ZNF469: variants seen among roughly 807,000 people sequenced by gnomAD.
The protein encoded by ZNF469 is zinc finger protein 469.
In ZNF469, 1 loss-of-function variant was observed where a neutral mutation model predicts 1.0. The observed-to-expected ratio is 1.00, with a 90% CI of 0.35 to 4.73. The LOEUF is 4.73. Among genes scored for constraint, ZNF469 ranks in the 30% most tolerant of loss-of-function variants. The pLI, the probability that ZNF469 is intolerant of heterozygous loss-of-function variation, is 0.16. For synonymous variants in ZNF469, 2,703 were observed against 2,363.4 expected (o/e 1.14, Z -4.17); for missense variants, 6,100 against 5,356.3 (o/e 1.14, Z -4.33).
chr16:88,381,237 C>G (rs1182726549), upstream of ZNF469, among the ~76,000 whole-genome samples: 1 of 150,470 alleles, frequency 6.6e-6, no homozygotes, highest in Non-Finnish European at 1.5e-5. Context: ...CACACACGCA[C>G]TCACAGACAT....
rs1000997917 is a variant in ZNF469, at chr16:88,427,360, A to G, written c.-111A>G. Reference sequence around the variant, plus strand: ...TTCCTTCCAGGCTCCACTCAGGACCATGAGCGCAGGCTTCCCTGGGGCCCA... The same window carrying G: ...TTCCTTCCAGGCTCCACTCAGGACCGTGAGCGCAGGCTTCCCTGGGGCCCA... On this transcript the variant is annotated 5_prime_UTR_variant, in exon 3 of 3. It removes an upstream start codon present in the reference 5' UTR. Transcript: ENST00000565624. 1.7e-6 allele frequency: 2 copies of G among 1,169,116 alleles called. No individual in the cohort carries two copies. Among genetic ancestry groups the G allele is most frequent in the Non-Finnish European group, 2.3e-6 (2 of 862,914 alleles). The allele number at this position is 1,169,116 out of a possible 1,614,324, so 72.4% of individuals were successfully genotyped here. A position where few individuals can be genotyped will look rare whatever the true frequency, so the allele number is the denominator to read the frequency against.
the ZNF469 span, among the ~76,000 whole-genome samples, chr16:88,173,761 T>C: frequency 6.6e-6 from 1 of 152,188 alleles, no homozygotes; most frequent in East Asian, 1.9e-4. Flanking sequence ...AGTGGAACAA[T>C]ATCATTTGAA....
chr16:88,165,247 C>G, the ZNF469 span, among the ~76,000 whole-genome samples: 1 of 152,360 alleles, frequency 6.6e-6, no homozygotes, highest in East Asian at 1.9e-4. Context: ...CTGTCACCTC[C>G]CCATGGAGAA....
the ZNF469 span, among the ~76,000 whole-genome samples, chr16:88,118,441 G>C: frequency 6.6e-6 from 1 of 152,156 alleles, no homozygotes; most frequent in East Asian, 1.9e-4. Flanking sequence ...TCAGCTGCTC[G>C]ACCTGGTCCT....
At chr16:88,140,748 A>G in the ZNF469 span, among the ~76,000 whole-genome samples, 1 of 152,180 alleles carries the variant, frequency 6.6e-6, no homozygotes, top group Non-Finnish European at 1.5e-5. Context: ...CCTGGCCAAC[A>G]TGGCGAAACC....
At chr16:88,216,346 T>C in the ZNF469 span, among the ~76,000 whole-genome samples, 1 of 151,910 alleles carries the variant, frequency 6.6e-6, no homozygotes, top group African/African-American at 2.4e-5. Flanking sequence ...ATACAAAAAT[T>C]AGCCGGGCGC....
the ZNF469 span, among the ~76,000 whole-genome samples, chr16:88,243,347 C>T: frequency 6.6e-6 from 1 of 152,214 alleles, no homozygotes; most frequent in Non-Finnish European, 1.5e-5. Context: ...CCAGTAGGAT[C>T]CAGTCCCTGT....
In ZNF469 at chr16:88,431,606, C is replaced by T; in HGVS notation, c.4136C>T (p.Pro1379Leu). The T allele has an allele frequency of 6.4e-7, 1 of 1,550,496 alleles. No homozygotes were observed. Among genetic ancestry groups the T allele is most frequent in the Non-Finnish European group, 8.7e-7 (1 of 1,146,996 alleles). The change falls in exon 3 of 3, where the codon CCC (proline) becomes CTC (leucine). Residue 1379 changes from proline (P) to leucine (L), a missense_variant. Transcript: ENST00000565624. The part of the protein sequence containing the change: ...AKKGPQPYSS[P>L]HSELFLGPKD... ...AAGGGGCCTCAGCCCTACAGCAGCCCCCACAGTGAGTTGTTCCTCGGACCC... is the reference window on the plus strand; with the variant it reads ...AAGGGGCCTCAGCCCTACAGCAGCCTCCACAGTGAGTTGTTCCTCGGACCC...
the ZNF469 span, among the ~76,000 whole-genome samples, chr16:88,255,805 T>A: frequency 6.6e-6 from 1 of 152,138 alleles, no homozygotes; most frequent in Non-Finnish European, 1.5e-5. Flanking sequence ...ATCACAGCCT[T>A]AGGATGTTTC....
chr16:88,161,323 A>G, the ZNF469 span, among the ~76,000 whole-genome samples: 1 of 152,036 alleles, frequency 6.6e-6, no homozygotes, highest in African/African-American at 2.4e-5. Flanking sequence ...ATTCTCCCTA[A>G]ACGGCGACGA....
At chr16:88,117,671 G>A in the ZNF469 span, among the ~76,000 whole-genome samples, 41 of 131,246 alleles carry the variant, frequency 3.1e-4, no homozygotes, top group Non-Finnish European at 5.3e-4. Flanking sequence ...AACCGTGGAG[G>A]TGCCACGTGT....
At chr16:88,411,493 C>CGGGCAGGGGTGTGAGT (rs1567504087) in intron 1 of ZNF469, among the ~76,000 whole-genome samples, 4 of 6,670 alleles carry the variant, frequency 6.0e-4, no homozygotes, top group African/African-American at 9.1e-4. Flanking sequence ...GGGGTGCGAG[C>CGGGCAGGGGTGTGAGT]GGGCAGGGGT....
chr16:88,436,073 G>T lies in ZNF469; in HGVS notation c.8603G>T (p.Arg2868Leu). 1 of 1,550,054 alleles carries T rather than the reference G, an allele frequency of 6.5e-7. No homozygotes were observed. The highest frequency in any genetic ancestry group is 8.7e-7 in the Non-Finnish European group (1 of 1,146,972). Reference protein sequence around the residue: ...SFSQLFPPGGRLTRKRNPHVY... With the variant: ...SFSQLFPPGGLLTRKRNPHVY... ...TCCCAGCTCTTCCCTCCAGGCGGTC[G>T]CTTGACTAGAAAGAGGAACCCGCAT... Residue 2868 changes from arginine to leucine, a missense_variant, in exon 3 of 3, where the codon CGC becomes CTC. By Grantham distance (102) the Arg-to-Leu change is moderately radical. Coordinates refer to ENST00000565624, the MANE Select transcript of ZNF469 (RefSeq NM_001367624.2).
Position 88,427,448 on chromosome 16 carries a change from C to A in ZNF469, c.-23C>A. The A allele has an allele frequency of 6.8e-7, 1 of 1,472,914 alleles. No homozygotes were observed. The highest frequency in any genetic ancestry group is 9.0e-7 in the Non-Finnish European group (1 of 1,113,930). The allele number at this position is 1,472,914 out of a possible 1,614,324, so 91.2% of individuals were successfully genotyped here. On this transcript the variant is annotated 5_prime_UTR_variant, in exon 3 of 3. Coordinates refer to ENST00000565624, the MANE Select transcript of ZNF469 (RefSeq NM_001367624.2). Reference sequence around the variant, plus strand: ...GGCCCCCCTCGGACAGCTGCGTCGTCCTAGCGCCAGGACGGAGGGGCCATG... The same window carrying A: ...GGCCCCCCTCGGACAGCTGCGTCGTACTAGCGCCAGGACGGAGGGGCCATG...
At chr16:88,141,788 G>C in the ZNF469 span, among the ~76,000 whole-genome samples, 15 of 152,320 alleles carry the variant, frequency 9.8e-5, no homozygotes, top group African/African-American at 3.6e-4. Flanking sequence ...TGACGTCAGA[G>C]GCACCATGAG....
At chr16:88,322,742 G>A in the ZNF469 span, among the ~76,000 whole-genome samples, 1 of 152,188 alleles carries the variant, frequency 6.6e-6, no homozygotes, top group East Asian at 1.9e-4. Context: ...GAAGGTTGCC[G>A]AATAACCACT....
At chr16:88,234,751 C>G in the ZNF469 span, 1 of 152,222 alleles carries the variant, frequency 6.6e-6, no homozygotes, top group South Asian at 2.1e-4. Flanking sequence ...AGCAGAGGGC[C>G]GCACCGCCCG....
chr16:88,246,506 GT>G, the ZNF469 span, among the ~76,000 whole-genome samples: 1 of 152,206 alleles, frequency 6.6e-6, no homozygotes, highest in African/African-American at 2.4e-5. Flanking sequence ...GGAGGAGGCT[GT>G]CTTGGCACAC....
chr16:88,337,811 C>T, the ZNF469 span, among the ~76,000 whole-genome samples: 133 of 152,298 alleles, frequency 8.7e-4, no homozygotes, highest in African/African-American at 3.0e-3. Context: ...CTCAGATACA[C>T]GGCCTCTGCT....
Sources: allele counts gnomAD v4.1 joint callset (sites outside exome capture counted in the v4.1 genomes callset), GRCh38; gene constraint gnomAD v4.1.1; transcripts MANE v1.5; gene names NCBI Gene and HGNC (gene_info 2026-07-23, HGNC 2026-07-21).